EML6: variants seen among roughly 807,000 people sequenced by gnomAD.
The protein encoded by EML6 is EMAP like 6, also known as echinoderm microtubule-associated protein-like 6.
EML6 carries 154 observed loss-of-function variants against 240.1 expected under a neutral mutation model. The observed-to-expected ratio is 0.64, with a 90% CI of 0.56 to 0.73. EML6 has a LOEUF of 0.73. EML6 is among the 30% of genes least tolerant of loss of function. The pLI is 0.00. For synonymous variants in EML6, 1,148 were observed against 899.0 expected, an observed-to-expected ratio of 1.28 and a Z score of -4.95; for missense variants, 2,964 against 2,474.6, an observed-to-expected ratio of 1.20 and a Z score of -4.20.
At chr2:54,958,521 A>G (rs550323325) in intron 33 of EML6, among the ~76,000 whole-genome samples, 1 of 152,222 alleles carries the variant, frequency 6.6e-6, no homozygotes, top group Non-Finnish European at 1.5e-5. Flanking sequence ...AATATTAACC[A>G]GAAAAGGTAG....
intron 2 of EML6, among the ~76,000 whole-genome samples, chr2:54,811,004 A>T (rs537537197): frequency 6.6e-6 from 1 of 152,278 alleles, no homozygotes; most frequent in East Asian, 1.9e-4. Flanking sequence ...TCTTCTGTCA[A>T]CTTTAATGTG....
At chr2:54,957,646 T>C (rs771159735) in intron 32 of EML6, 144 bp from the exon 33 acceptor site, 11 of 704,796 alleles carry the variant, frequency 1.6e-5, no homozygotes, top group Admixed American at 5.0e-5. Flanking sequence ...ACCTGGGGAA[T>C]AGTGTCTGAA....
chr2:54,725,968 TG>T lies in EML6; in HGVS notation c.197+712del, dbSNP rs1682890905. Among the ~76,000 whole-genome samples the T allele has an allele frequency of 6.6e-6, 1 of 152,228 alleles. No homozygotes were observed. Among genetic ancestry groups the T allele is most frequent in the Non-Finnish European group, 1.5e-5 (1 of 68,038 alleles). ...AGACTGACTGACAGGAGAGCTCATT[TG>T]GATGAATGGCCGTTTTAGGGGCCCT... On this transcript the variant is annotated intron_variant, in intron 2 of 41. Coordinates refer to ENST00000356458, the MANE Select transcript of EML6 (RefSeq NM_001039753.4). The surrounding 1 kb of genome is among the most constrained non-coding windows in gnomAD (Gnocchi z 4.3).
chr2:54,846,265 C>G (rs1669746248), intron 8 of EML6, among the ~76,000 whole-genome samples: 1 of 151,948 alleles, frequency 6.6e-6, no homozygotes, highest in Non-Finnish European at 1.5e-5. Flanking sequence ...CATTTTCTTC[C>G]TAGGAAGGCC....
chr2:54,742,226 A>C (rs1311945255), intron 2 of EML6, among the ~76,000 whole-genome samples: 1 of 151,484 alleles, frequency 6.6e-6, no homozygotes, highest in Non-Finnish European at 1.5e-5. Context: ...ATGCGACCCT[A>C]CCCCCACCTT....
chr2:54,874,904 C>T (rs1195086769), intron 16 of EML6, among the ~76,000 whole-genome samples: 6 of 152,120 alleles, frequency 3.9e-5, no homozygotes, highest in South Asian at 2.1e-4. Context: ...GAACAGTGGC[C>T]GATCCAAAGG....
intron 2 of EML6, among the ~76,000 whole-genome samples, chr2:54,767,604 G>T (rs1260277771): frequency 8.0e-6 from 1 of 125,372 alleles, no homozygotes; most frequent in African/African-American, 2.7e-5. Flanking sequence ...AAGAGTGTGT[G>T]TGTGTGTGTG....
intron 2 of EML6, among the ~76,000 whole-genome samples, chr2:54,744,962 A>ACACACACACACACC (rs1553370078): frequency 3.5e-5 from 3 of 85,966 alleles, no homozygotes; most frequent in South Asian, 4.8e-4. Flanking sequence ...ACACACACAC[A>ACACACACACACACC]CCCTGCCATG....
intron 2 of EML6, among the ~76,000 whole-genome samples, chr2:54,789,553 AAG>A (rs1423731848): frequency 7.0e-6 from 1 of 143,004 alleles, no homozygotes; most frequent in African/African-American, 2.6e-5. Context: ...AAAAAAGAAA[AAG>A]AATGTGCTTT....
intron 28 of EML6, among the ~76,000 whole-genome samples, chr2:54,934,910 T>G (rs1019484737): frequency 2.0e-5 from 3 of 152,228 alleles, no homozygotes; most frequent in Non-Finnish European, 4.4e-5. Context: ...GAAAGATATA[T>G]CAATTAAACA....
At chr2:54,797,167 A>AAAAAAAAAAAAAAAAAAAAAAAAAAAAC (rs1669839577) in intron 2 of EML6, among the ~76,000 whole-genome samples, 9 of 113,956 alleles carry the variant, frequency 7.9e-5, no homozygotes, top group South Asian at 3.1e-4. Flanking sequence ...TCCATCTCAA[A>AAAAAAAAAAAAAAAAAAAAAAAAAAAAC]AAAAAAAAAA....
At chr2:54,845,899 C>G (rs977625264) in intron 8 of EML6, among the ~76,000 whole-genome samples, 1 of 152,176 alleles carries the variant, frequency 6.6e-6, no homozygotes, top group African/African-American at 2.4e-5. Flanking sequence ...GTCTCCCAGA[C>G]ACTAGTTTGT....
At chr2:54,746,098 A>G (rs978074260) in intron 2 of EML6, among the ~76,000 whole-genome samples, 1 of 152,236 alleles carries the variant, frequency 6.6e-6, no homozygotes, top group African/African-American at 2.4e-5. Context: ...TTTCATTCCA[A>G]TGGTATGGGG....
chr2:54,870,163 G>C (rs1219160693), intron 15 of EML6, among the ~76,000 whole-genome samples: 3 of 152,168 alleles, frequency 2.0e-5, no homozygotes, highest in Admixed American at 6.5e-5. Flanking sequence ...GTTAACATGA[G>C]ACAAGCCCTT....
intron 7 of EML6, among the ~76,000 whole-genome samples, chr2:54,831,258 C>T (rs1297770891): frequency 6.6e-6 from 1 of 152,164 alleles, no homozygotes; most frequent in Non-Finnish European, 1.5e-5. Flanking sequence ...CTCTTTTTGG[C>T]AGTTACTCCA....
chr2:54,844,363 A>G, intron 8 of EML6, 115 bp downstream of exon 8: 1 of 796,900 alleles, frequency 1.3e-6, no homozygotes, highest in Non-Finnish European at 2.0e-6. Flanking sequence ...TTCCAAATGA[A>G]ACGTTAAGAC....
At chr2:54,919,174 G>A (rs1674086960) in intron 26 of EML6, among the ~76,000 whole-genome samples, 1 of 151,538 alleles carries the variant, frequency 6.6e-6, no homozygotes, top group African/African-American at 2.4e-5. Flanking sequence ...GAGGAAATGA[G>A]AAATTGACTT....
At chr2:54,959,368 C>G in intron 34 of EML6, 107 bp downstream of exon 34, 1 of 1,120,818 alleles carries the variant, frequency 8.9e-7, no homozygotes, top group Admixed American at 2.8e-5. Flanking sequence ...ATCCTCCTAT[C>G]TTTTTTGCAT....
chr2:54,964,609 C>G lies in EML6; in HGVS notation c.5369C>G (p.Ser1790Cys). 2 of 1,552,416 alleles carry G rather than the reference C, an allele frequency of 1.3e-6. No homozygotes were observed. Among genetic ancestry groups the G allele is most frequent in the Non-Finnish European group, 1.7e-6 (2 of 1,147,136 alleles). Residue 1790 changes from serine (S) to cysteine (C), a missense_variant, in exon 38 of 42, where the codon TCT becomes TGT. Physicochemically the swap from Ser to Cys is moderately radical, Grantham distance 112 (BLOSUM62 -1). Coordinates refer to ENST00000356458, the MANE Select transcript of EML6 (RefSeq NM_001039753.4). The part of the protein sequence containing the change: ...PDNRFLAVGS[S>C]EHTVDFYDLT... ...AACCGATTCTTAGCCGTTGGTTCTT[C>G]TGAACACACAGTTGACTTCTATGAC...
Sources: allele counts gnomAD v4.1 joint callset (sites outside exome capture counted in the v4.1 genomes callset), GRCh38; gene constraint gnomAD v4.1.1; non-coding constraint Gnocchi (gnomAD v3.1); transcripts MANE v1.5; gene names NCBI Gene and HGNC (gene_info 2026-07-23, HGNC 2026-07-21).